CCDC167: variants seen among roughly 807,000 people sequenced by gnomAD.
CCDC167 encodes the protein coiled-coil domain-containing protein 167.
CCDC167 carries 15 observed loss-of-function variants against 12.7 expected under a neutral mutation model. The ratio of observed to expected loss-of-function variants is 1.18; its 90% CI spans 0.79 to 1.81. The LOEUF (loss-of-function observed/expected upper bound fraction) is 1.81. CCDC167 is among the 40% of genes most tolerant of loss of function. The pLI, the probability that CCDC167 is intolerant of heterozygous loss-of-function variation, is 0.00. For missense variants in CCDC167, 121 were observed against 120.1 expected, an observed-to-expected ratio of 1.01 and a Z score of -0.03; for synonymous variants, 52 against 49.0, an observed-to-expected ratio of 1.06 and a Z score of -0.26.
intron 1 of CCDC167, among the ~76,000 whole-genome samples, chr6:37,489,166 G>A (rs1046055534): frequency 6.6e-6 from 1 of 152,068 alleles, no homozygotes; most frequent in Non-Finnish European, 1.5e-5. Flanking sequence ...AACCCAGGGG[G>A]TGGAGGCTGC....
chr6:37,486,332 G>A (rs778031224), intron 1 of CCDC167, among the ~76,000 whole-genome samples: 6 of 152,190 alleles, frequency 3.9e-5, no homozygotes, highest in African/African-American at 1.4e-4. Context: ...TGCCCCATTC[G>A]CTTCTGGAGT....
At chr6:37,494,786 A>G (rs1013700261) in intron 1 of CCDC167, among the ~76,000 whole-genome samples, 1 of 147,186 alleles carries the variant, frequency 6.8e-6, no homozygotes, top group Non-Finnish European at 1.5e-5. Flanking sequence ...AACCAATGCC[A>G]GTAGCCACCT....
At chr6:37,490,243 G>A (rs1255824201) in intron 1 of CCDC167, among the ~76,000 whole-genome samples, 2 of 152,200 alleles carry the variant, frequency 1.3e-5, no homozygotes, top group Non-Finnish European at 2.9e-5. Context: ...CAAGGAACAG[G>A]TTGGAGAGTG....
chr6:37,494,168 C>T lies in CCDC167; in HGVS notation c.42+5654G>A, dbSNP rs1260787367. On this transcript the variant is annotated intron_variant, in intron 1 of 3. Transcript: ENST00000373408. ...GCAACCTCCACCTCCCAGGTTCAAG[C>T]GATTCTCCTGCCTCAGCCTCCCGAG... is the stretch of plus-strand genomic sequence containing the variant. Among the ~76,000 whole-genome samples the T allele has an allele frequency of 4.7e-5, 7 of 150,146 alleles. No individual in the cohort carries two copies. The East Asian group carries it at 6.0e-4, about 13-fold the overall frequency.
At chr6:37,489,253 C>CAAACAAAA (rs767072016) in intron 1 of CCDC167, among the ~76,000 whole-genome samples, 7 of 149,228 alleles carry the variant, frequency 4.7e-5, no homozygotes, top group African/African-American at 1.7e-4. Context: ...AACAAACAAA[C>CAAACAAAA]AAAAAAAAAC....
chr6:37,494,521 G>A (rs1441268801), intron 1 of CCDC167, among the ~76,000 whole-genome samples: 1 of 152,194 alleles, frequency 6.6e-6, no homozygotes, highest in African/African-American at 2.4e-5. Context: ...GAAAAGCTCA[G>A]CAGATGCTCT....
intron 1 of CCDC167, among the ~76,000 whole-genome samples, chr6:37,485,994 TG>T (rs1400349299): frequency 6.6e-5 from 10 of 152,224 alleles, no homozygotes; most frequent in African/African-American, 2.4e-4. Flanking sequence ...ACCTGGGTTT[TG>T]GCATTGAAAG....
chr6:37,489,154 T>G (rs2113906325), intron 1 of CCDC167, among the ~76,000 whole-genome samples: 1 of 152,188 alleles, frequency 6.6e-6, no homozygotes, highest in South Asian at 2.1e-4. Context: ...AAGAATTGCT[T>G]GAACCCAGGG....
intron 1 of CCDC167, among the ~76,000 whole-genome samples, chr6:37,487,973 C>T (rs1338067454): frequency 6.6e-6 from 1 of 152,256 alleles, no homozygotes; most frequent in Non-Finnish European, 1.5e-5. Flanking sequence ...TGATTCCCTT[C>T]TAAATAGCAA....
Position 37,485,580 on chromosome 6 carries a change from G to A in CCDC167, c.43-386C>T, listed in dbSNP as rs532226532. On this transcript the variant is annotated intron_variant, in intron 1 of 3. Coordinates refer to ENST00000373408, the MANE Select transcript of CCDC167 (RefSeq NM_138493.3). Reference sequence around the variant, plus strand: ...CAGGAGCAACCAGAACCCTGAACACGGCATGCACCTGCCCCACGGGCGTAT... The same window carrying A: ...CAGGAGCAACCAGAACCCTGAACACAGCATGCACCTGCCCCACGGGCGTAT... 3.9e-5 allele frequency among the ~76,000 whole-genome samples: 6 copies of A among 152,356 alleles called. No homozygotes were observed. The South Asian group carries it at 1.0e-3, about 26-fold the overall frequency.
At chr6:37,496,162 G>C (rs1207360285) in intron 1 of CCDC167, among the ~76,000 whole-genome samples, 1 of 152,124 alleles carries the variant, frequency 6.6e-6, no homozygotes, top group Non-Finnish European at 1.5e-5. Context: ...GGCCGAGTGT[G>C]GTGGCTCACG....
chr6:37,489,751 G>A (rs1219940213), intron 1 of CCDC167, among the ~76,000 whole-genome samples: 1 of 152,228 alleles, frequency 6.6e-6, no homozygotes, highest in Non-Finnish European at 1.5e-5. Flanking sequence ...ATACTCTGAA[G>A]GCCACAGGGG....
chr6:37,487,408 G>A (rs570437710), intron 1 of CCDC167, among the ~76,000 whole-genome samples: 2 of 152,348 alleles, frequency 1.3e-5, no homozygotes, highest in South Asian at 4.1e-4. Flanking sequence ...TAGGTCTCAC[G>A]TAGCAACTGG....
rs776696014 is a variant in CCDC167 at position 37,483,174 on chromosome 6, G to A, written c.*12C>T. ...AGTGGAAGCCTGTGCTGGTTGTGGG[G>A]AAGTGCCAGGCTCACATGGTCCAGT... On this transcript the variant is annotated 3_prime_UTR_variant, in exon 4 of 4. Coordinates refer to ENST00000373408, the MANE Select transcript of CCDC167 (RefSeq NM_138493.3). 2 of 1,600,488 alleles carry A rather than the reference G, an allele frequency of 1.2e-6. No individual in the cohort carries two copies. The highest frequency in any genetic ancestry group is 2.7e-5 in the African/African-American group (2 of 74,772).
chr6:37,483,103 TCCTATTGAGGCTTG>T lies in CCDC167; in HGVS notation c.*69_*82del. 1 of 1,065,670 alleles carries T rather than the reference TCCTATTGAGGCTTG, an allele frequency of 9.4e-7. No individual in the cohort carries two copies. Among genetic ancestry groups the T allele is most frequent in the Non-Finnish European group, 1.5e-6 (1 of 683,214 alleles). 66.0% of individuals were successfully genotyped at this position (1,065,670 alleles called of 1,614,324 possible). A position where few individuals can be genotyped will look rare whatever the true frequency, so the allele number is the denominator to read the frequency against. ...GGAGGGGAACACCCCAGCACCTTGG[TCCTATTGAGGCTTG>T]AAGTGCCTGCTTGATCCTGATCAAG... is the stretch of plus-strand genomic sequence containing the variant. On this transcript the variant is annotated 3_prime_UTR_variant, in exon 4 of 4. Coordinates refer to ENST00000373408, the MANE Select transcript of CCDC167 (RefSeq NM_138493.3).
chr6:37,493,877 C>T (rs938046961), intron 1 of CCDC167, among the ~76,000 whole-genome samples: 2 of 152,212 alleles, frequency 1.3e-5, no homozygotes, highest in East Asian at 3.9e-4. Flanking sequence ...GCACAGCCTG[C>T]TCCAGAGCGG....
chr6:37,488,250 T>C (rs1426107114), intron 1 of CCDC167, among the ~76,000 whole-genome samples: 2 of 152,160 alleles, frequency 1.3e-5, no homozygotes, highest in African/African-American at 4.8e-5. Flanking sequence ...CCTCTTTTAG[T>C]TGTGGCTGGG....
intron 1 of CCDC167, among the ~76,000 whole-genome samples, chr6:37,493,242 G>A (rs71569378): frequency 0.045 from 6,874 of 152,290 alleles, 169 homozygotes; most frequent in Middle Eastern, 0.099. Flanking sequence ...TTGCAAGTTA[G>A]CGCCCGAGCC....
intron 1 of CCDC167, among the ~76,000 whole-genome samples, chr6:37,490,191 G>C (rs1390669509): frequency 1.3e-5 from 2 of 152,320 alleles, no homozygotes; most frequent in East Asian, 1.9e-4. Context: ...CTGAGCCCTG[G>C]GGAGGCGCTG....
Sources: gnomAD v4.1 joint callset for allele counts (sites outside exome capture counted in the v4.1 genomes callset) on GRCh38, gnomAD v4.1.1 for gene constraint, MANE v1.5 for transcripts, NCBI Gene and HGNC (gene_info 2026-07-23, HGNC 2026-07-21) for gene names.